Variants in TGFA observed in about 807,000 individuals in gnomAD.
TGFA encodes transforming growth factor alpha.
A neutral mutation model predicts 21.7 loss-of-function variants in TGFA; 12 were observed. That is an observed-to-expected ratio of 0.55 (90% CI 0.35 to 0.90). The LOEUF is 0.90. Ranked by LOEUF, TGFA falls within the 40% of genes least tolerant of loss-of-function variation. TGFA has a pLI of 0.01. For synonymous variants in TGFA, 79 were observed against 88.1 expected (o/e 0.90, Z 0.58); for missense variants, 178 against 210.8 (o/e 0.84, Z 0.96).
intron 2 of TGFA, among the ~76,000 whole-genome samples, chr2:70,484,999 C>G (rs1671227251): frequency 6.6e-6 from 1 of 152,212 alleles, no homozygotes; most frequent in Non-Finnish European, 1.5e-5. Flanking sequence ...CCATTCAACT[C>G]ACTGCAACCA....
intron 3 of TGFA, 135 bp downstream of exon 3, chr2:70,465,481 C>T (rs1220009018): frequency 8.5e-7 from 1 of 1,174,212 alleles, no homozygotes; most frequent in Non-Finnish European, 1.2e-6. Context: ...CTCAGCCCCA[C>T]TGTTCCAATC....
chr2:70,519,948 A>C (rs191042031), intron 1 of TGFA, among the ~76,000 whole-genome samples: 1 of 152,324 alleles, frequency 6.6e-6, no homozygotes, highest in East Asian at 1.9e-4. Flanking sequence ...CTTCACTGTG[A>C]GATCTTGGCT....
At chr2:70,540,177 A>G (rs1673094751) in intron 1 of TGFA, among the ~76,000 whole-genome samples, 1 of 152,108 alleles carries the variant, frequency 6.6e-6, no homozygotes, top group Non-Finnish European at 1.5e-5. Context: ...CTTCAACATC[A>G]CCTAGGTAGG....
chr2:70,491,311 A>C (rs1381434842), intron 2 of TGFA, among the ~76,000 whole-genome samples: 1 of 152,200 alleles, frequency 6.6e-6, no homozygotes, highest in Non-Finnish European at 1.5e-5. Context: ...TGGCAACAAT[A>C]AGGTGTGGGG....
intron 2 of TGFA, among the ~76,000 whole-genome samples, chr2:70,512,643 G>A (rs1451019996): frequency 6.6e-6 from 1 of 152,202 alleles, no homozygotes; most frequent in Non-Finnish European, 1.5e-5. Flanking sequence ...TCCCCTTCTG[G>A]ACAAATTTAT....
chr2:70,539,924 A>T (rs1205366067), intron 1 of TGFA, among the ~76,000 whole-genome samples: 1 of 152,088 alleles, frequency 6.6e-6, no homozygotes. Context: ...CTACACTAGT[A>T]CTCCCATTTG....
chr2:70,475,001 TGTG>T (rs1670879928), intron 2 of TGFA, among the ~76,000 whole-genome samples: 1 of 151,772 alleles, frequency 6.6e-6, no homozygotes. Context: ...TGTGTGTGTG[TGTG>T]TACTGGGAAA....
At chr2:70,544,622 C>T (rs1673235427) in intron 1 of TGFA, among the ~76,000 whole-genome samples, 1 of 152,166 alleles carries the variant, frequency 6.6e-6, no homozygotes, top group Non-Finnish European at 1.5e-5. Flanking sequence ...GGTCCCAGCA[C>T]AGAACAGGTG....
intron 1 of TGFA, among the ~76,000 whole-genome samples, chr2:70,527,678 A>G (rs1574134901): frequency 1.3e-5 from 2 of 152,242 alleles, no homozygotes; most frequent in Admixed American, 1.3e-4. Flanking sequence ...TGTAACAAAC[A>G]TATCACACCA....
intron 1 of TGFA, among the ~76,000 whole-genome samples, chr2:70,528,067 A>G (rs927467164): frequency 2.2e-4 from 34 of 152,244 alleles, no homozygotes; most frequent in African/African-American, 8.0e-4. Context: ...GCTCACTTCC[A>G]GCCTTTGCCA....
chr2:70,539,391 T>C lies in TGFA; in HGVS notation c.40+14337A>G, dbSNP rs1226484832. ...GGGAACACAGCCTGAAGCAATCCAA[T>C]GGAAGAAAAAAAAATCACAATTTAC... On this transcript the variant is annotated intron_variant, in intron 1 of 5. Coordinates refer to ENST00000295400, the MANE Select transcript of TGFA (RefSeq NM_003236.4). Among the ~76,000 whole-genome samples the C allele has an allele frequency of 3.9e-5, 4 of 101,278 alleles. No homozygotes were observed. In the East Asian group the frequency reaches 1.1e-3, roughly 27 times the overall value. The allele number at this position is 101,278 out of a possible 152,430, so 66.4% of individuals were successfully genotyped here.
chr2:70,448,084 C>T lies in TGFA; in HGVS notation c.*2775G>A, dbSNP rs782461497. ...TTCTCCTTTCTCAGGGAAAAGAACT[C>T]TAGGGCCATTCTGCCCATCTCTCCT... On this transcript the variant is annotated 3_prime_UTR_variant, in exon 6 of 6. Coordinates refer to ENST00000295400, the MANE Select transcript of TGFA (RefSeq NM_003236.4). The T allele has an allele frequency of 1.3e-5, 2 of 152,212 alleles. No individual in the cohort carries two copies. Among genetic ancestry groups the T allele is most frequent in the Non-Finnish European group, 2.9e-5 (2 of 68,042 alleles). The allele number at this position is 152,212 out of a possible 1,614,324, so 9.4% of individuals were successfully genotyped here. A position where few individuals can be genotyped will look rare whatever the true frequency, so the allele number is the denominator to read the frequency against.
intron 2 of TGFA, among the ~76,000 whole-genome samples, chr2:70,477,775 G>A (rs1285374559): frequency 6.6e-6 from 1 of 152,150 alleles, no homozygotes; most frequent in African/African-American, 2.4e-5. Context: ...CTGGGTCCTT[G>A]AATAAGCACA....
intron 1 of TGFA, among the ~76,000 whole-genome samples, chr2:70,528,013 C>T (rs968935481): frequency 2.0e-4 from 30 of 152,294 alleles, no homozygotes; most frequent in African/African-American, 6.7e-4. Context: ...CTCTCAGCCT[C>T]ATCTGCTGCC....
chr2:70,461,758 T>A (rs932117676), intron 3 of TGFA: 4 of 152,228 alleles, frequency 2.6e-5, no homozygotes, highest in Non-Finnish European at 4.4e-5. Context: ...AGCTTTACTG[T>A]CTTTGCAAAT....
chr2:70,504,449 TATATATATATATATAC>T (rs1368140652), intron 2 of TGFA, among the ~76,000 whole-genome samples: 69 of 69,068 alleles, frequency 1.0e-3, no homozygotes, highest in African/African-American at 4.0e-3. Context: ...TATATATATA[TATATATATATATATAC>T]ACACATACAT....
chr2:70,473,966 C>T (rs1221136573), intron 2 of TGFA, among the ~76,000 whole-genome samples: 1 of 152,148 alleles, frequency 6.6e-6, no homozygotes, highest in Non-Finnish European at 1.5e-5. Flanking sequence ...CCCAGATTCA[C>T]AATTTACTGA....
At chr2:70,484,616 C>T (rs956102867) in intron 2 of TGFA, among the ~76,000 whole-genome samples, 6 of 152,186 alleles carry the variant, frequency 3.9e-5, no homozygotes, top group Admixed American at 3.9e-4. Flanking sequence ...CCCTTCCATC[C>T]TCTTTACCTC....
At chr2:70,512,483 T>C (rs1672133366) in intron 2 of TGFA, among the ~76,000 whole-genome samples, 2 of 152,168 alleles carry the variant, frequency 1.3e-5, no homozygotes, top group South Asian at 4.1e-4. Flanking sequence ...ACTGAGCTGG[T>C]TACAGGGTAA....
Sources: allele counts gnomAD v4.1 joint callset (sites outside exome capture counted in the v4.1 genomes callset), GRCh38; gene constraint gnomAD v4.1.1; transcripts MANE v1.5; gene names NCBI Gene and HGNC (gene_info 2026-07-23, HGNC 2026-07-21).